ZNF385D: variants seen among roughly 807,000 people sequenced by gnomAD.
The protein encoded by ZNF385D is zinc finger protein 659.
Under a neutral mutation model 35.8 loss-of-function variants are expected in ZNF385D, and 15 were observed. The ratio of observed to expected loss-of-function variants is 0.42; its 90% CI spans 0.28 to 0.64. ZNF385D has a LOEUF of 0.64. Among genes scored for constraint, ZNF385D ranks in the 30% least tolerant of loss-of-function variants. The probability of loss-of-function intolerance (pLI) is 0.23; values close to 1 mark genes in which losing one functional copy is unlikely to be tolerated. For synonymous variants in ZNF385D, 212 were observed against 186.8 expected, an observed-to-expected ratio of 1.13 and a Z score of -1.10; for missense variants, 474 against 494.6, an observed-to-expected ratio of 0.96 and a Z score of 0.39.
chr3:22,092,681 T>C (rs960925748), intron 3 of ZNF385D, among the ~76,000 whole-genome samples: 3 of 152,128 alleles, frequency 2.0e-5, no homozygotes, highest in Non-Finnish European at 2.9e-5. Context: ...TTATTAACAG[T>C]TCTGTTTATT....
intron 3 of ZNF385D, among the ~76,000 whole-genome samples, chr3:21,810,124 C>T (rs967689353): frequency 2.6e-5 from 4 of 151,946 alleles, no homozygotes; most frequent in Non-Finnish European, 5.9e-5. Context: ...CTCATGAAAA[C>T]TGACACACAA....
chr3:22,028,859 C>G (rs961327791), intron 3 of ZNF385D, among the ~76,000 whole-genome samples: 1 of 152,140 alleles, frequency 6.6e-6, no homozygotes, highest in African/African-American at 2.4e-5. Flanking sequence ...ACAATGTCAA[C>G]TAGGGGACTA....
chr3:21,974,898 G>T (rs932460033), intron 3 of ZNF385D, among the ~76,000 whole-genome samples: 1 of 152,070 alleles, frequency 6.6e-6, no homozygotes, highest in East Asian at 1.9e-4. Context: ...AAAGGGTTTT[G>T]TCCAAAAGAC....
intron 3 of ZNF385D, among the ~76,000 whole-genome samples, chr3:22,041,925 G>A (rs1003710951): frequency 6.6e-6 from 1 of 152,088 alleles, no homozygotes; most frequent in South Asian, 2.1e-4. Context: ...GGAAAGAAAA[G>A]TAGATTTATA....
intron 3 of ZNF385D, among the ~76,000 whole-genome samples, chr3:21,865,632 T>C (rs1679223): frequency 0.42 from 63,030 of 151,870 alleles, 13,322 homozygotes; most frequent in Non-Finnish European, 0.43. Context: ...AGCAGAGAGC[T>C]GAACACTGCT....
chr3:22,287,044 T>C (rs555341734), intron 2 of ZNF385D, among the ~76,000 whole-genome samples: 1 of 152,142 alleles, frequency 6.6e-6, no homozygotes, highest in Non-Finnish European at 1.5e-5. Flanking sequence ...TCTTTAGATA[T>C]TTATGTGCTC....
intron 2 of ZNF385D, among the ~76,000 whole-genome samples, chr3:22,183,467 C>A (rs192591614): frequency 0.012 from 1,833 of 152,134 alleles, 20 homozygotes; most frequent in African/African-American, 0.034. Flanking sequence ...AAGCGATTCT[C>A]CTGCCTCAGC....
chr3:22,146,958 C>T (rs1234031178), intron 3 of ZNF385D, among the ~76,000 whole-genome samples: 1 of 151,988 alleles, frequency 6.6e-6, no homozygotes, highest in Non-Finnish European at 1.5e-5. Flanking sequence ...GGAGATAAAA[C>T]AGAAAATAAC....
chr3:22,059,577 T>A (rs1321310810), intron 3 of ZNF385D, among the ~76,000 whole-genome samples: 1 of 152,210 alleles, frequency 6.6e-6, no homozygotes, highest in Admixed American at 6.5e-5. Context: ...GTGGAATGTA[T>A]ACAAAGTTGT....
At chr3:21,619,598 A>G (rs2064946045) in intron 2 of ZNF385D, among the ~76,000 whole-genome samples, 1 of 152,146 alleles carries the variant, frequency 6.6e-6, no homozygotes, top group African/African-American at 2.4e-5. Context: ...TAGCACTATT[A>G]TAGAGAGAGA....
chr3:21,897,141 C>T (rs900564162), intron 3 of ZNF385D, among the ~76,000 whole-genome samples: 6 of 152,266 alleles, frequency 3.9e-5, no homozygotes, highest in South Asian at 2.1e-4. Context: ...TTGCCCCTTT[C>T]GACTCTGCTA....
intron 3 of ZNF385D, among the ~76,000 whole-genome samples, chr3:22,118,623 G>A (rs748242556): frequency 9.9e-5 from 15 of 151,872 alleles, no homozygotes; most frequent in Non-Finnish European, 1.9e-4. Context: ...ATCGGTAAGA[G>A]GTTAGGGAAA....
intron 1 of ZNF385D, among the ~76,000 whole-genome samples, 160 bp downstream of exon 1, chr3:21,750,735 A>G (rs1480638044): frequency 1.3e-5 from 2 of 152,074 alleles, no homozygotes; most frequent in Admixed American, 6.5e-5. Context: ...TGTGGCACAA[A>G]GGAAGCTTTG....
chr3:21,866,965 A>G (rs1047054003), intron 3 of ZNF385D, among the ~76,000 whole-genome samples: 7 of 152,102 alleles, frequency 4.6e-5, no homozygotes, highest in African/African-American at 1.4e-4. Context: ...AATACCCATT[A>G]TCTTAGTCGA....
chr3:22,049,333 A>C (rs932786486), intron 3 of ZNF385D, among the ~76,000 whole-genome samples: 1 of 150,266 alleles, frequency 6.7e-6, no homozygotes, highest in Admixed American at 6.6e-5. Flanking sequence ...AAAATAAAAT[A>C]AATAAAAAAT....
intron 3 of ZNF385D, among the ~76,000 whole-genome samples, chr3:21,902,319 G>A (rs1362034204): frequency 6.6e-6 from 1 of 152,064 alleles, no homozygotes; most frequent in Non-Finnish European, 1.5e-5. Flanking sequence ...TATGACTTGT[G>A]TTGTTCTATG....
intron 3 of ZNF385D, among the ~76,000 whole-genome samples, chr3:21,910,815 TAATAA>T (rs1699925402): frequency 1.3e-5 from 2 of 151,756 alleles, no homozygotes; most frequent in African/African-American, 4.8e-5. Context: ...GGCATTTGAG[TAATAA>T]AATAAATGTG....
chr3:22,202,779 A>C lies in ZNF385D; in HGVS notation c.107-33744T>G, dbSNP rs1051760259. On this transcript the variant is annotated intron_variant, in intron 2 of 5. Coordinates refer to the ZNF385D transcript ENST00000494108. ...CAGCACATTGAATGTGGGACTTTGC[A>C]TGGGCAGGCTGTGCTCCCAGCACTG... Among the ~76,000 whole-genome samples the C allele has an allele frequency of 2.0e-5, 3 of 152,106 alleles. No homozygotes were observed. The South Asian group carries it at 6.2e-4, about 32-fold the overall frequency.
intron 3 of ZNF385D, among the ~76,000 whole-genome samples, chr3:21,829,569 G>C (rs1694859195): frequency 6.6e-6 from 1 of 151,884 alleles, no homozygotes; most frequent in South Asian, 2.1e-4. Flanking sequence ...TTAAGCAAGG[G>C]GAAGATATGA....
Sources: allele counts gnomAD v4.1 joint callset (sites outside exome capture counted in the v4.1 genomes callset), GRCh38; gene constraint gnomAD v4.1.1; transcripts MANE v1.5; gene names NCBI Gene and HGNC (gene_info 2026-07-23, HGNC 2026-07-21).